CHCHD6: variants seen among roughly 807,000 people sequenced by gnomAD.
The protein encoded by CHCHD6 is coiled-coil-helix-coiled-coil-helix domain containing 6.
CHCHD6 carries 28 observed loss-of-function variants against 32.3 expected under a neutral mutation model. The observed-to-expected ratio is 0.87, with a 90% CI of 0.64 to 1.19. CHCHD6 has a LOEUF of 1.19. Ranked by LOEUF, CHCHD6 falls within the 50% of genes most tolerant of loss-of-function variation. The pLI is 0.00. For synonymous variants in CHCHD6, 122 were observed against 117.5 expected (o/e 1.04, Z -0.25); for missense variants, 333 against 307.0 (o/e 1.08, Z -0.63).
chr3:126,766,978 G>A, intron 4 of CHCHD6: 1 of 908,112 alleles, frequency 1.1e-6, no homozygotes, highest in Non-Finnish European at 1.8e-6. Context: ...TGTGTGGTTA[G>A]CGCCACAGGC....
chr3:126,712,258 T>TAAATCTCAAATTTAA (rs1934783343), intron 1 of CHCHD6, among the ~76,000 whole-genome samples: 1 of 152,208 alleles, frequency 6.6e-6, no homozygotes, highest in African/African-American at 2.4e-5. Flanking sequence ...CTCAAGGGTT[T>TAAATCTCAAATTTAA]AGTTGAATAT....
intron 4 of CHCHD6, among the ~76,000 whole-genome samples, chr3:126,835,893 C>T (rs772537385): frequency 6.6e-6 from 1 of 152,204 alleles, no homozygotes; most frequent in Non-Finnish European, 1.5e-5. Context: ...GCTAGAAAAT[C>T]GCATATTATT....
chr3:126,818,467 A>T (rs1192384246), intron 4 of CHCHD6, among the ~76,000 whole-genome samples: 1 of 152,094 alleles, frequency 6.6e-6, no homozygotes, highest in African/African-American at 2.4e-5. Context: ...TGTTACCTGC[A>T]CTGGTTTTGA....
chr3:126,845,344 AC>A (rs1168916598), intron 4 of CHCHD6, among the ~76,000 whole-genome samples: 6 of 152,142 alleles, frequency 3.9e-5, no homozygotes, highest in African/African-American at 4.8e-5. Context: ...TTTTTAGATT[AC>A]TTTTTTAGGG....
At chr3:126,743,732 G>T (rs1461229198) in intron 4 of CHCHD6, among the ~76,000 whole-genome samples, 4 of 152,192 alleles carry the variant, frequency 2.6e-5, no homozygotes, top group Admixed American at 6.5e-5. Flanking sequence ...AACTGGAGGG[G>T]TGATCTGAGC....
intron 1 of CHCHD6, among the ~76,000 whole-genome samples, chr3:126,704,647 A>G (rs910689030): frequency 6.6e-6 from 1 of 152,160 alleles, no homozygotes; most frequent in African/African-American, 2.4e-5. Context: ...CCCCTGGGAC[A>G]CGAGGGACGC....
At chr3:126,861,219 C>T (rs957750570) in intron 5 of CHCHD6, among the ~76,000 whole-genome samples, 6 of 152,080 alleles carry the variant, frequency 3.9e-5, no homozygotes, top group Non-Finnish European at 7.4e-5. Flanking sequence ...TGCCTCCTTG[C>T]ATCCCTGTCC....
intron 5 of CHCHD6, among the ~76,000 whole-genome samples, chr3:126,909,018 C>T (rs536222458): frequency 7.9e-5 from 12 of 152,360 alleles, no homozygotes; most frequent in Admixed American, 7.2e-4. Context: ...TTGGAATGCT[C>T]CTGAGGCCTT....
chr3:126,933,597 C>T (rs1385006472), intron 6 of CHCHD6, among the ~76,000 whole-genome samples: 1 of 152,116 alleles, frequency 6.6e-6, no homozygotes, highest in Non-Finnish European at 1.5e-5. Flanking sequence ...AGATGCCAGG[C>T]TCTTTTAAAT....
intron 6 of CHCHD6, among the ~76,000 whole-genome samples, chr3:126,948,943 C>G (rs1232773546): frequency 6.6e-6 from 1 of 152,214 alleles, no homozygotes; most frequent in Non-Finnish European, 1.5e-5. Flanking sequence ...TTCATACTAG[C>G]CCAGGCTGGC....
chr3:126,746,927 C>T (rs757790608), intron 4 of CHCHD6, among the ~76,000 whole-genome samples: 6 of 152,180 alleles, frequency 3.9e-5, no homozygotes, highest in Non-Finnish European at 8.8e-5. Flanking sequence ...GCACAGGCAG[C>T]GCTCTGCTGG....
At chr3:126,835,731 AG>A (rs1940831619) in intron 4 of CHCHD6, among the ~76,000 whole-genome samples, 1 of 152,118 alleles carries the variant, frequency 6.6e-6, no homozygotes, top group South Asian at 2.1e-4. Context: ...CTCTCTTTTC[AG>A]CCTGCAGATT....
intron 5 of CHCHD6, chr3:126,865,646 C>G: frequency 1.0e-6 from 1 of 985,212 alleles, no homozygotes; most frequent in Non-Finnish European, 1.2e-6. Context: ...CCTCTCCCAC[C>G]GCTACTACTA....
intron 5 of CHCHD6, among the ~76,000 whole-genome samples, chr3:126,891,214 G>C (rs562346299): frequency 6.6e-6 from 1 of 152,226 alleles, no homozygotes; most frequent in Non-Finnish European, 1.5e-5. Context: ...AGGCCTGGGG[G>C]TTGTGTTAGC....
chr3:126,958,741 AG>A (rs1471350909), intron 7 of CHCHD6, among the ~76,000 whole-genome samples: 10 of 152,206 alleles, frequency 6.6e-5, no homozygotes, highest in Non-Finnish European at 1.2e-4. Flanking sequence ...AGCCCTGGGT[AG>A]GACAGGCGGC....
At chr3:126,897,078 G>A (rs1375598134) in intron 5 of CHCHD6, among the ~76,000 whole-genome samples, 1 of 152,214 alleles carries the variant, frequency 6.6e-6, no homozygotes, top group East Asian at 1.9e-4. Flanking sequence ...GGGAAGGGAT[G>A]AGGGGCAGAG....
rs145432227 is a variant in CHCHD6, at chr3:126,825,385, G to A, written c.412-27262G>A. ...TTGCGCTTGAAAGTAACGTGATTTT[G>A]TTTTTACAGTTGTTGGTTGTAGTGT... On this transcript the variant is annotated intron_variant, in intron 4 of 7. Transcript: ENST00000290913. 6.2e-3 allele frequency among the ~76,000 whole-genome samples: 936 copies of A among 152,150 alleles called. 8 individuals are homozygous for A. The highest frequency in any genetic ancestry group is 0.021 in the African/African-American group (882 of 41,514).
chr3:126,873,724 G>A (rs1341709399), intron 5 of CHCHD6, among the ~76,000 whole-genome samples: 1 of 152,142 alleles, frequency 6.6e-6, no homozygotes, highest in African/African-American at 2.4e-5. Flanking sequence ...CTGCATGGAG[G>A]GACCAGCCAT....
intron 5 of CHCHD6, chr3:126,865,489 A>G (rs1331296238): frequency 1.2e-6 from 1 of 835,224 alleles, no homozygotes; most frequent in African/African-American, 1.9e-5. Context: ...TCCATCACCA[A>G]CTTCGCCTTC....
Sources: gnomAD v4.1 joint callset for allele counts (sites outside exome capture counted in the v4.1 genomes callset) on GRCh38, gnomAD v4.1.1 for gene constraint, MANE v1.5 for transcripts, NCBI Gene and HGNC (gene_info 2026-07-23, HGNC 2026-07-21) for gene names.